Variants in RSPH9 observed in about 807,000 individuals in gnomAD.
RSPH9 encodes radial spoke head component 9, also known as radial spoke head protein 9 homolog.
A neutral mutation model predicts 27.0 loss-of-function variants in RSPH9; 27 were observed. The observed-to-expected ratio is 1.00, with a 90% confidence interval of 0.74 to 1.38. The LOEUF (loss-of-function observed/expected upper bound fraction) is 1.38, where lower values mean the gene tolerates loss of function less well. RSPH9 is among the 40% of genes most tolerant of loss of function. RSPH9 has a pLI of 0.00. For synonymous variants in RSPH9, 145 were observed against 147.7 expected, an observed-to-expected ratio of 0.98 and a Z score of 0.13; for missense variants, 347 against 357.4, an observed-to-expected ratio of 0.97 and a Z score of 0.24.
chr6:43,659,925 A>G (rs1772437431), intron 4 of RSPH9, among the ~76,000 whole-genome samples: 1 of 149,542 alleles, frequency 6.7e-6, no homozygotes, highest in Non-Finnish European at 1.5e-5. Flanking sequence ...TAGTAGAGAC[A>G]GGGTTTCACC....
rs142429428 is a variant in RSPH9, at chr6:43,671,851, G to A, written c.*902G>A. 8.1e-6 allele frequency: 13 copies of A among 1,613,986 alleles called. No individual in the cohort carries two copies. Among genetic ancestry groups the A allele is most frequent in the African/African-American group, 1.3e-5 (1 of 75,044 alleles). The stretch of plus-strand genomic sequence containing the variant: ...ACGGGCATGCGCACCCTGTTCCAGC[G>A]GGGGCCTTTTTTGTAGATGGGCTTG... On this transcript the variant is annotated 3_prime_UTR_variant, in exon 5 of 5. Coordinates refer to ENST00000372163, the MANE Select transcript of RSPH9 (RefSeq NM_152732.5).
At chr6:43,658,541 A>C (rs1349536848) in intron 4 of RSPH9, among the ~76,000 whole-genome samples, 2 of 152,028 alleles carry the variant, frequency 1.3e-5, no homozygotes, top group African/African-American at 4.8e-5. Context: ...CCTTCAGCGA[A>C]TCATAATCTT....
In RSPH9 at chr6:43,645,184, T is replaced by C. The variant is rs748300861; in HGVS notation, c.86T>C (p.Leu29Pro). The C allele has an allele frequency of 1.2e-6, 2 of 1,613,856 alleles. No individual in the cohort carries two copies. Among genetic ancestry groups the C allele is most frequent in the Non-Finnish European group, 1.7e-6 (2 of 1,180,002 alleles). Residue 29 changes from leucine (L) to proline (P), a missense_variant, in exon 1 of 5, where the codon CTC becomes CCC. By Grantham distance (98) the Leu-to-Pro change is moderately conservative. Transcript: ENST00000372163. The stretch of plus-strand genomic sequence containing the variant: ...AGCCCGGACCGTCGGGCCTCGCTGC[T>C]CACGTCTCTTATGCTGGTTAAGCGC... ...GLSPDRRASL[L>P]TSLMLVKRDY...
At chr6:43,666,461 TC>T in intron 4 of RSPH9, 1 of 1,550,576 alleles carries the variant, frequency 6.4e-7, no homozygotes, top group African/African-American at 1.4e-5. Context: ...TCACGTGGCT[TC>T]TGAGCAGGTG....
At chr6:43,653,182 T>G (rs894415334) in intron 2 of RSPH9, among the ~76,000 whole-genome samples, 7 of 152,144 alleles carry the variant, frequency 4.6e-5, no homozygotes, top group Non-Finnish European at 7.4e-5. Context: ...CTGGGCATGG[T>G]GGCTCACGCC....
chr6:43,648,575 G>T (rs1051776312), intron 1 of RSPH9, among the ~76,000 whole-genome samples: 4 of 152,236 alleles, frequency 2.6e-5, no homozygotes, highest in Admixed American at 6.5e-5. Context: ...GTGGGGCATT[G>T]TAAGACTTGG....
chr6:43,651,709 C>A (rs1188885756), intron 2 of RSPH9, among the ~76,000 whole-genome samples: 2 of 152,008 alleles, frequency 1.3e-5, no homozygotes, highest in Non-Finnish European at 1.5e-5. Context: ...ATGCCACACC[C>A]AGCTAATTTT....
chr6:43,663,305 G>A (rs554123803), intron 4 of RSPH9, among the ~76,000 whole-genome samples: 7 of 151,868 alleles, frequency 4.6e-5, no homozygotes, highest in South Asian at 2.1e-4. Flanking sequence ...TACAACCTCC[G>A]CCTCCTGGGT....
chr6:43,655,745 G>GTCTGGGAGACA, intron 3 of RSPH9, 54 bp downstream of exon 3: 1 of 1,602,712 alleles, frequency 6.2e-7, no homozygotes, highest in Non-Finnish European at 8.5e-7. Context: ...CCCAAGCACA[G>GTCTGGGAGACA]TAGAACATAT....
chr6:43,667,010 C>T (rs1163933743), intron 4 of RSPH9, among the ~76,000 whole-genome samples: 1 of 152,202 alleles, frequency 6.6e-6, no homozygotes, highest in Non-Finnish European at 1.5e-5. Flanking sequence ...TCCCAAAGTG[C>T]TGGGATTACA....
At chr6:43,655,752 A>T in intron 3 of RSPH9, 61 bp downstream of exon 3, 7 of 1,590,180 alleles carry the variant, frequency 4.4e-6, no homozygotes, top group Non-Finnish European at 5.2e-6. Flanking sequence ...ACAGTAGAAC[A>T]TATGTCTGGG....
intron 1 of RSPH9, among the ~76,000 whole-genome samples, chr6:43,647,338 G>C (rs1241772946): frequency 2.0e-5 from 3 of 152,166 alleles, no homozygotes; most frequent in African/African-American, 7.2e-5. Context: ...TGAGGGGCTT[G>C]CAAGAAGAGC....
At chr6:43,652,821 A>C (rs1184188495) in intron 2 of RSPH9, among the ~76,000 whole-genome samples, 1 of 123,912 alleles carries the variant, frequency 8.1e-6, no homozygotes, top group African/African-American at 3.0e-5. Flanking sequence ...GTTTTATTTT[A>C]TTTTTATTTG....
intron 4 of RSPH9, chr6:43,666,564 A>G: frequency 1.6e-6 from 2 of 1,283,252 alleles, no homozygotes; most frequent in Non-Finnish European, 2.2e-6. Flanking sequence ...CAAAGTGACA[A>G]GAGACACCTT....
rs758308013 is a variant in RSPH9, at chr6:43,661,660, CAA to C, written c.670+4957_670+4958del. Among the ~76,000 whole-genome samples the C allele has an allele frequency of 9.3e-3, 841 of 90,792 alleles. 5 individuals are homozygous for C. The highest frequency in any genetic ancestry group is 0.034 in the African/African-American group (779 of 23,162). 59.6% of individuals were successfully genotyped at this position (90,792 alleles called of 152,430 possible). A position where few individuals can be genotyped will look rare whatever the true frequency, so the allele number is the denominator to read the frequency against. ...TGGGTGACAGAGCGAGACTCTGTCTCAAAAAAAAAAAAAAAAAAAAAGAGGAA... is the reference window on the plus strand; with the variant it reads ...TGGGTGACAGAGCGAGACTCTGTCTCAAAAAAAAAAAAAAAAAAAGAGGAA... On this transcript the variant is annotated intron_variant, in intron 4 of 4. Coordinates refer to ENST00000372163, the MANE Select transcript of RSPH9 (RefSeq NM_152732.5).
intron 2 of RSPH9, among the ~76,000 whole-genome samples, chr6:43,653,359 A>G (rs1472842946): frequency 6.8e-6 from 1 of 147,302 alleles, no homozygotes; most frequent in African/African-American, 2.5e-5. Flanking sequence ...AGGCAGGAGA[A>G]TGGCTTGAAT....
At chr6:43,664,879 C>A (rs903378936) in intron 4 of RSPH9, among the ~76,000 whole-genome samples, 5 of 152,174 alleles carry the variant, frequency 3.3e-5, no homozygotes, top group African/African-American at 9.7e-5. Context: ...CCCTCGTTGA[C>A]AAAGGGAGCC....
chr6:43,671,466 C>T lies in RSPH9; in HGVS notation c.*517C>T. 2.1e-6 allele frequency: 1 copy of T among 481,996 alleles called. No individual in the cohort carries two copies. The highest frequency in any genetic ancestry group is 5.8e-4 in the Middle Eastern group (1 of 1,730). 29.9% of individuals were successfully genotyped at this position (481,996 alleles called of 1,614,324 possible). A position where few individuals can be genotyped will look rare whatever the true frequency, so the allele number is the denominator to read the frequency against. ...CACACCCAATGGGTAAGCCCATGAA[C>T]CCAGTTTATGACACTGCGTTGGGCA... On this transcript the variant is annotated 3_prime_UTR_variant, in exon 5 of 5. Coordinates refer to ENST00000372163, the MANE Select transcript of RSPH9 (RefSeq NM_152732.5).
chr6:43,655,462 C>A, intron 2 of RSPH9, 100 bp from the exon 3 acceptor site: 2 of 1,352,628 alleles, frequency 1.5e-6, no homozygotes, highest in Non-Finnish European at 2.1e-6. Context: ...GGGTCCACTA[C>A]ACTGCAGTGG....
Sources: allele counts gnomAD v4.1 joint callset (sites outside exome capture counted in the v4.1 genomes callset), GRCh38; gene constraint gnomAD v4.1.1; transcripts MANE v1.5; gene names NCBI Gene and HGNC (gene_info 2026-07-23, HGNC 2026-07-21).